CCDC91: variants seen among roughly 807,000 people sequenced by gnomAD.
CCDC91 encodes the protein coiled-coil domain containing 91, also known as coiled-coil domain-containing protein 91.
In CCDC91, 48 loss-of-function variants were observed where a neutral mutation model predicts 63.2. The observed-to-expected ratio is 0.76, with a 90% confidence interval of 0.60 to 0.97. CCDC91 has a LOEUF of 0.97. CCDC91 is among the 50% of genes least tolerant of loss of function. The pLI, the probability that CCDC91 is intolerant of heterozygous loss-of-function variation, is 0.00. For synonymous variants in CCDC91, 167 were observed against 165.8 expected, an observed-to-expected ratio of 1.01 and a Z score of -0.06; for missense variants, 500 against 494.6, an observed-to-expected ratio of 1.01 and a Z score of -0.10.
intron 6 of CCDC91, among the ~76,000 whole-genome samples, chr12:28,347,857 T>C (rs1253768764): frequency 1.3e-5 from 2 of 152,218 alleles, no homozygotes; most frequent in African/African-American, 4.8e-5. Flanking sequence ...TTGTATAGTG[T>C]GCATCACCCC....
At chr12:28,493,486 T>C (rs1218612299) in intron 12 of CCDC91, among the ~76,000 whole-genome samples, 3 of 151,712 alleles carry the variant, frequency 2.0e-5, no homozygotes, top group African/African-American at 7.3e-5. Flanking sequence ...ATATGTACAC[T>C]GAACACAAAA....
intron 12 of CCDC91, among the ~76,000 whole-genome samples, chr12:28,518,605 C>CT (rs1940226303): frequency 6.6e-6 from 1 of 151,964 alleles, no homozygotes; most frequent in South Asian, 2.1e-4. Context: ...TGTGGGTTGT[C>CT]TGTTTATTTT....
At chr12:28,238,449 A>G (rs1945113299) in intron 1 of CCDC91, among the ~76,000 whole-genome samples, 1 of 152,180 alleles carries the variant, frequency 6.6e-6, no homozygotes, top group Non-Finnish European at 1.5e-5. Flanking sequence ...GGAAAGAATT[A>G]GTTTTTATAT....
chr12:28,192,370 G>A (rs12372059), intron 1 of CCDC91, among the ~76,000 whole-genome samples: 41,968 of 152,024 alleles, frequency 0.28, 6,034 homozygotes, highest in Non-Finnish European at 0.31. Flanking sequence ...GAGTGGATGG[G>A]TGGATAAGAC....
At chr12:28,425,041 C>T (rs1213521943) in intron 8 of CCDC91, among the ~76,000 whole-genome samples, 2 of 152,042 alleles carry the variant, frequency 1.3e-5, no homozygotes, top group East Asian at 3.8e-4. Context: ...GGTTAAAAAC[C>T]TATTGTGATT....
intron 1 of CCDC91, among the ~76,000 whole-genome samples, chr12:28,243,544 C>T (rs1945492383): frequency 6.6e-6 from 1 of 151,918 alleles, no homozygotes; most frequent in African/African-American, 2.4e-5. Flanking sequence ...TTTAAATTAA[C>T]ATTTGTGGTT....
intron 1 of CCDC91, among the ~76,000 whole-genome samples, chr12:28,195,221 A>G (rs968341961): frequency 3.3e-5 from 5 of 152,132 alleles, no homozygotes; most frequent in Non-Finnish European, 7.4e-5. Flanking sequence ...ACCTTTAGCT[A>G]GACACAGAGC....
chr12:28,310,618 A>G (rs561058957), intron 6 of CCDC91, among the ~76,000 whole-genome samples: 1 of 152,196 alleles, frequency 6.6e-6, no homozygotes, highest in African/African-American at 2.4e-5. Context: ...GAGGTCTCAT[A>G]GCCAAATCGA....
chr12:28,537,560 C>G (rs1942276051), intron 12 of CCDC91, among the ~76,000 whole-genome samples: 1 of 152,148 alleles, frequency 6.6e-6, no homozygotes, highest in Admixed American at 6.5e-5. Context: ...TATTTGCCTC[C>G]TTGTACCATA....
At chr12:28,255,655 C>G (rs1389104617) in intron 1 of CCDC91, 1 of 152,060 alleles carries the variant, frequency 6.6e-6, no homozygotes, top group Non-Finnish European at 1.5e-5. Context: ...CATCAGATTG[C>G]TAAAATTGTG....
At chr12:28,215,958 A>G (rs1254017384) in intron 1 of CCDC91, among the ~76,000 whole-genome samples, 1 of 152,152 alleles carries the variant, frequency 6.6e-6, no homozygotes, top group Non-Finnish European at 1.5e-5. Flanking sequence ...TATACTTAAA[A>G]TGGAATCTTA....
rs146373327 is a variant in CCDC91 at position 28,373,580 on chromosome 12, C to T, written c.654+11065C>T. Among the ~76,000 whole-genome samples the T allele has an allele frequency of 6.6e-4, 100 of 151,704 alleles. 1 individual carries two copies. Among genetic ancestry groups the T allele is most frequent in the Middle Eastern group, 6.8e-3 (2 of 294 alleles). On this transcript the variant is annotated intron_variant, in intron 7 of 12. Transcript: ENST00000536442. The stretch of plus-strand genomic sequence containing the variant: ...TTAAGGTTTACTGATTCTTTCTCCT[C>T]GTAACTGACATCTATTAATACAAGT...
chr12:28,529,405 C>T (rs768897548), intron 12 of CCDC91, among the ~76,000 whole-genome samples: 1 of 152,110 alleles, frequency 6.6e-6, no homozygotes, highest in Non-Finnish European at 1.5e-5. Flanking sequence ...CTGGCAATGG[C>T]ATCAGGGTCA....
intron 11 of CCDC91, among the ~76,000 whole-genome samples, chr12:28,480,042 C>T (rs1156472645): frequency 6.6e-6 from 1 of 151,990 alleles, no homozygotes; most frequent in Non-Finnish European, 1.5e-5. Context: ...TCAGGGTCCC[C>T]ACTACCTGGT....
At chr12:28,363,876 GAAAA>G (rs34997286) in intron 7 of CCDC91, among the ~76,000 whole-genome samples, 4 of 52,556 alleles carry the variant, frequency 7.6e-5, no homozygotes, top group African/African-American at 2.7e-4. Flanking sequence ...GGCTCCATCT[GAAAA>G]AAAAAAAAAA....
intron 11 of CCDC91, among the ~76,000 whole-genome samples, chr12:28,457,398 A>G (rs1444721588): frequency 2.6e-5 from 4 of 151,484 alleles, no homozygotes; most frequent in Non-Finnish European, 5.9e-5. Flanking sequence ...AAAGAAAACT[A>G]AAAAGCAACC....
At chr12:28,208,357 T>C (rs898552526) in intron 1 of CCDC91, among the ~76,000 whole-genome samples, 1 of 152,232 alleles carries the variant, frequency 6.6e-6, no homozygotes, top group Non-Finnish European at 1.5e-5. Flanking sequence ...TCAGACATAA[T>C]AGAATTTTAG....
intron 11 of CCDC91, among the ~76,000 whole-genome samples, chr12:28,470,076 G>T (rs1421780724): frequency 1.3e-5 from 2 of 152,010 alleles, no homozygotes; most frequent in African/African-American, 4.8e-5. Context: ...AACAAAAATG[G>T]ACAAATGGGA....
At chr12:28,232,012 T>C (rs916880595) in intron 1 of CCDC91, among the ~76,000 whole-genome samples, 1 of 152,172 alleles carries the variant, frequency 6.6e-6, no homozygotes, top group African/African-American at 2.4e-5. Context: ...GATAATTCAC[T>C]CCAGAAAGTC....
Sources: allele counts gnomAD v4.1 joint callset (sites outside exome capture counted in the v4.1 genomes callset), GRCh38; gene constraint gnomAD v4.1.1; transcripts MANE v1.5; gene names NCBI Gene and HGNC (gene_info 2026-07-23, HGNC 2026-07-21).